The following IQGAP1 variants were observed in gnomAD, a reference collection of about 807,000 sequenced individuals.
IQGAP1 encodes IQ motif containing GTPase activating protein 1.
In IQGAP1, 66 loss-of-function variants were observed where a neutral mutation model predicts 215.6. That is an observed-to-expected ratio of 0.31 (90% CI 0.25 to 0.38). The LOEUF (loss-of-function observed/expected upper bound fraction) is 0.38. Among genes scored for constraint, IQGAP1 ranks in the 10% least tolerant of loss-of-function variants. The pLI is 1.00. For synonymous variants in IQGAP1, 772 were observed against 728.7 expected (o/e 1.06, Z -0.96); for missense variants, 1,712 against 1,997.1 (o/e 0.86, Z 2.72).
chr15:90,424,852 T>A (rs1009307805), intron 2 of IQGAP1, among the ~76,000 whole-genome samples: 1 of 149,100 alleles, frequency 6.7e-6, no homozygotes, highest in African/African-American at 2.5e-5. Flanking sequence ...AAAAAAAAAA[T>A]TGAGTGAAAT....
intron 18 of IQGAP1, among the ~76,000 whole-genome samples, chr15:90,471,361 T>A (rs898452533): frequency 1.3e-5 from 2 of 151,968 alleles, no homozygotes; most frequent in Non-Finnish European, 2.9e-5. Context: ...AAGTTAGCAG[T>A]CCAAGCAGGA....
chr15:90,449,483 T>G, intron 10 of IQGAP1, 76 bp from the exon 11 acceptor site: 3 of 1,210,606 alleles, frequency 2.5e-6, no homozygotes, highest in Non-Finnish European at 3.5e-6. Context: ...AGTGACTGCT[T>G]TTGAGAGATG....
rs1253350164 is a variant in IQGAP1 at position 90,388,412 on chromosome 15, C to G, written c.55+16C>G. 3 of 1,544,278 alleles carry G rather than the reference C, an allele frequency of 1.9e-6. No homozygotes were observed. The highest frequency in any genetic ancestry group is 2.6e-6 in the Non-Finnish European group (3 of 1,146,764). On this transcript the variant is annotated intron_variant, in intron 1 of 37. Coordinates refer to ENST00000268182, the MANE Select transcript of IQGAP1 (RefSeq NM_003870.4). ...CACTATGGCTGTGAGTGCGGGGCTC[C>G]GCGGCGCGGGGGCTTCGGGCTGGGC...
chr15:90,461,701 C>T (rs1030141361), intron 15 of IQGAP1, among the ~76,000 whole-genome samples: 1 of 151,956 alleles, frequency 6.6e-6, no homozygotes, highest in African/African-American at 2.4e-5. Flanking sequence ...GGTGTACACC[C>T]CTGTAGTCCC....
intron 33 of IQGAP1, among the ~76,000 whole-genome samples, chr15:90,489,792 T>G (rs548551153): frequency 9.2e-4 from 140 of 152,278 alleles, no homozygotes; most frequent in Non-Finnish European, 1.7e-3. Flanking sequence ...TAGAAAGAAA[T>G]TTGAAATAAG....
chr15:90,420,197 T>C (rs1413952799), intron 2 of IQGAP1, among the ~76,000 whole-genome samples: 1 of 152,184 alleles, frequency 6.6e-6, no homozygotes, highest in Non-Finnish European at 1.5e-5. Context: ...GCTAGCTCTA[T>C]TTCACTTGCA....
chr15:90,486,833 C>A, intron 31 of IQGAP1, 121 bp from the exon 32 acceptor site: 1 of 971,954 alleles, frequency 1.0e-6, no homozygotes, highest in Non-Finnish European at 1.6e-6. Flanking sequence ...TCTCGTCACA[C>A]TGTATGTGTT....
rs1350794465 is a variant in IQGAP1 at position 90,467,484 on chromosome 15, A to G, written c.2070A>G (p.Val690=). The G allele has an allele frequency of 1.2e-6, 2 of 1,612,808 alleles. No individual in the cohort carries two copies. The highest frequency in any genetic ancestry group is 2.2e-5 in the East Asian group (1 of 44,746). The part of the protein sequence containing the change: ...DNNSKWVKHW[V]KGGYYYYHNL... ...ACAGCAAGTGGGTGAAGCACTGGGT[A>G]AAAGGTGGATATTATTATTACCACA... is the stretch of plus-strand genomic sequence containing the variant. Residue 690 remains valine, a synonymous_variant, in exon 18 of 38, where the codon GTA becomes GTG. Coordinates refer to ENST00000268182, the MANE Select transcript of IQGAP1 (RefSeq NM_003870.4).
In IQGAP1 at chr15:90,468,470, C is replaced by T. The variant is rs541735157; in HGVS notation, c.2178+878C>T. Among the ~76,000 whole-genome samples the T allele has an allele frequency of 2.0e-5, 3 of 152,364 alleles. No homozygotes were observed. In the South Asian group the frequency reaches 6.2e-4, roughly 32 times the overall value. On this transcript the variant is annotated intron_variant, in intron 18 of 37. Transcript: ENST00000268182. ...AAGTCTCTGCTGTCATGAGATGTCT[C>T]TCCCCTGCCATCTATATCTGTCAAA...
At chr15:90,461,703 T>G (rs1965764071) in intron 15 of IQGAP1, among the ~76,000 whole-genome samples, 1 of 151,996 alleles carries the variant, frequency 6.6e-6, no homozygotes. Flanking sequence ...TGTACACCCC[T>G]GTAGTCCCAG....
chr15:90,449,491 A>C (rs1965571011), intron 10 of IQGAP1, 68 bp from the exon 11 acceptor site: 2 of 1,288,380 alleles, frequency 1.6e-6, no homozygotes, highest in Non-Finnish European at 2.2e-6. Flanking sequence ...CTTTTGAGAG[A>C]TGAGAACCTT....
At chr15:90,491,825 G>A (rs553765306) in intron 34 of IQGAP1, among the ~76,000 whole-genome samples, 1 of 152,268 alleles carries the variant, frequency 6.6e-6, no homozygotes, top group South Asian at 2.1e-4. Context: ...TCTTTTTCAT[G>A]ATTACTGTGA....
intron 19 of IQGAP1, 140 bp from the exon 20 acceptor site, chr15:90,473,575 C>T (rs370336861): frequency 3.2e-6 from 2 of 629,540 alleles, no homozygotes; most frequent in African/African-American, 3.7e-5. Context: ...CCCTTGTTCC[C>T]CTGTCACTGC....
intron 9 of IQGAP1, among the ~76,000 whole-genome samples, chr15:90,444,267 GTGTGTGTGTGTGTATATA>G (rs1426149703): frequency 2.6e-5 from 3 of 117,564 alleles, no homozygotes; most frequent in African/African-American, 1.3e-4. Context: ...GTGTGTGTGT[GTGTGTGTGTGTGTATATA>G]TATATTTTTT....
At position 90,426,140 on chromosome 15, in the gene IQGAP1, G is replaced by C; in HGVS notation, c.186G>C (p.Leu62=). ...RWMEACLGED[L]PPTTELEEGL... ...TGGAAGCATGCCTAGGGGAAGATCTGCCTCCCACCACAGAACTGGAGGAGG... is the reference window on the plus strand; with the variant it reads ...TGGAAGCATGCCTAGGGGAAGATCTCCCTCCCACCACAGAACTGGAGGAGG... The change falls in exon 3 of 38, where the codon CTG becomes CTC. Residue 62 remains leucine, a synonymous_variant. Transcript: ENST00000268182. 6.2e-7 allele frequency: 1 copy of C among 1,605,594 alleles called. No individual in the cohort carries two copies. Among genetic ancestry groups the C allele is most frequent in the Non-Finnish European group, 8.5e-7 (1 of 1,176,696 alleles).
intron 33 of IQGAP1, among the ~76,000 whole-genome samples, 161 bp from the exon 34 acceptor site, chr15:90,491,172 C>T (rs1412179246): frequency 6.6e-6 from 1 of 152,130 alleles, no homozygotes; most frequent in Non-Finnish European, 1.5e-5. Context: ...CTGCTTCATG[C>T]AATTTTTCAT....
At chr15:90,467,320 G>A in intron 17 of IQGAP1, 130 bp from the exon 18 acceptor site, 1 of 849,210 alleles carries the variant, frequency 1.2e-6, no homozygotes. Flanking sequence ...TACTCTCACA[G>A]ATCCAAGGAG....
chr15:90,493,591 A>C (rs1207788626), intron 35 of IQGAP1, among the ~76,000 whole-genome samples: 2 of 152,256 alleles, frequency 1.3e-5, no homozygotes, highest in Non-Finnish European at 2.9e-5. Context: ...TGAATAGAAC[A>C]ATAAGCACCC....
At chr15:90,456,057 A>G in intron 14 of IQGAP1, 95 bp from the exon 15 acceptor site, 1 of 1,026,814 alleles carries the variant, frequency 9.7e-7, no homozygotes, top group Non-Finnish European at 1.4e-6. Context: ...GGTTACTCTT[A>G]GGTGGATTTA....
Sources: allele counts gnomAD v4.1 joint callset (sites outside exome capture counted in the v4.1 genomes callset), GRCh38; gene constraint gnomAD v4.1.1; transcripts MANE v1.5; gene names NCBI Gene and HGNC (gene_info 2026-07-23, HGNC 2026-07-21).